The following FILIP1 variants were observed in gnomAD, a reference collection of about 807,000 sequenced individuals.
FILIP1 encodes filamin-A-interacting protein 1.
A neutral mutation model predicts 102.1 loss-of-function variants in FILIP1; 61 were observed. The ratio of observed to expected loss-of-function variants is 0.60; its 90% CI spans 0.49 to 0.74. FILIP1 has a LOEUF of 0.74. Ranked by LOEUF, FILIP1 falls within the 30% of genes least tolerant of loss-of-function variation. The pLI is 0.00. For synonymous variants in FILIP1, 491 were observed against 526.9 expected (o/e 0.93, Z 0.93); for missense variants, 1,314 against 1,441.2 (o/e 0.91, Z 1.43).
chr6:75,377,912 A>G (rs1334756567), intron 2 of FILIP1, among the ~76,000 whole-genome samples: 1 of 152,224 alleles, frequency 6.6e-6, no homozygotes, highest in Non-Finnish European at 1.5e-5. Context: ...TTGAACATGA[A>G]GAAGAAATAG....
chr6:75,340,840 C>T (rs951318847), intron 4 of FILIP1, among the ~76,000 whole-genome samples: 18 of 148,112 alleles, frequency 1.2e-4, no homozygotes, highest in Non-Finnish European at 2.1e-4. Flanking sequence ...GGATTATAGG[C>T]GCACACCACA....
At chr6:75,327,972 T>C (rs983100518) in intron 4 of FILIP1, among the ~76,000 whole-genome samples, 63 of 152,216 alleles carry the variant, frequency 4.1e-4, no homozygotes, top group African/African-American at 1.4e-3. Flanking sequence ...AAAGGAAAGA[T>C]AGGAGCAAGG....
exon 7 of FILIP1, chr6:75,292,653 G>C (rs1772571826): frequency 6.6e-6 from 1 of 152,044 alleles, no homozygotes; most frequent in South Asian, 2.1e-4. Flanking sequence ...TTTTAGCAGA[G>C]GCATAGCACT....
chr6:75,433,903 A>G (rs1319749053), intron 1 of FILIP1, among the ~76,000 whole-genome samples: 6 of 152,228 alleles, frequency 3.9e-5, no homozygotes, highest in African/African-American at 1.4e-4. Flanking sequence ...AGCTTTCTAC[A>G]TATGGCTAGC....
Position 75,313,131 on chromosome 6 carries a change from C to CT in FILIP1, c.2700dup (p.Val901SerfsTer33). The CT allele has an allele frequency of 6.2e-7, 1 of 1,614,162 alleles. No homozygotes were observed. The highest frequency in any genetic ancestry group is 8.5e-7 in the Non-Finnish European group (1 of 1,180,014). ...GGCTGGCCCTGCTTTGGTGAAAGGACTACCTCTCCTGGGTGCCCTGGACTG... is the reference window on the plus strand; with the variant it reads ...GGCTGGCCCTGCTTTGGTGAAAGGACTTACCTCTCCTGGGTGCCCTGGACTG... On this transcript the variant is annotated frameshift_variant, in exon 5 of 6. Transcript: ENST00000237172. LOFTEE classifies it high-confidence loss of function. The surrounding 1 kb of genome is among the most constrained non-coding windows in gnomAD (Gnocchi z 4.2).
At chr6:75,421,535 T>C (rs962235665) in intron 1 of FILIP1, among the ~76,000 whole-genome samples, 15 of 152,094 alleles carry the variant, frequency 9.9e-5, no homozygotes. Flanking sequence ...TCTTGTACTA[T>C]ATCCTTGTCA....
intron 4 of FILIP1, among the ~76,000 whole-genome samples, chr6:75,344,302 G>T (rs1774509279): frequency 6.6e-6 from 1 of 152,110 alleles, no homozygotes; most frequent in Non-Finnish European, 1.5e-5. Context: ...ATCCACCTCA[G>T]TCTCTCTAAT....
chr6:75,371,984 CT>C lies in FILIP1; in HGVS notation c.277-9068del, dbSNP rs202225301. On this transcript the variant is annotated intron_variant, in intron 2 of 5. Transcript: ENST00000237172. ...GGACTATGTTCAATTTAAAAACTTC[CT>C]TGCATCAGAGAACACAATCAACAGT... 6.8e-3 allele frequency among the ~76,000 whole-genome samples: 1,038 copies of C among 152,268 alleles called. 11 individuals carry two copies. Among genetic ancestry groups the C allele is most frequent in the African/African-American group, 0.023 (958 of 41,556 alleles).
At chr6:75,485,968 A>AACACAC (rs529165652) in intron 1 of FILIP1, among the ~76,000 whole-genome samples, 222 of 145,304 alleles carry the variant, frequency 1.5e-3, no homozygotes, top group African/African-American at 4.3e-3. Flanking sequence ...TTCTGACCAA[A>AACACAC]ACACACACAC....
In FILIP1 at chr6:75,378,154, ATT is replaced by A. The variant is rs764051532; in HGVS notation, c.277-15239_277-15238del. The stretch of plus-strand genomic sequence containing the variant: ...TTATAAAAACTGTTACTTAATTAAC[ATT>A]GAACTCATGATCAATGACACTATGT... On this transcript the variant is annotated intron_variant, in intron 2 of 5. Coordinates refer to ENST00000237172, the MANE Select transcript of FILIP1 (RefSeq NM_015687.5). Among the ~76,000 whole-genome samples the A allele has an allele frequency of 1.9e-3, 292 of 152,308 alleles. 2 individuals are homozygous for A. The highest frequency in any genetic ancestry group is 2.2e-3 in the Non-Finnish European group (150 of 68,042).
chr6:75,480,209 T>C (rs905818607), intron 1 of FILIP1, among the ~76,000 whole-genome samples: 4 of 151,284 alleles, frequency 2.6e-5, no homozygotes, highest in African/African-American at 9.7e-5. Flanking sequence ...TTCAACCCTA[T>C]TGATTGAATA....
intron 1 of FILIP1, among the ~76,000 whole-genome samples, chr6:75,422,524 G>C (rs943569232): frequency 2.6e-5 from 4 of 152,094 alleles, no homozygotes; most frequent in African/African-American, 9.7e-5. Context: ...ATCAGGCTCA[G>C]AACTGAATAA....
intron 1 of FILIP1, among the ~76,000 whole-genome samples, chr6:75,470,540 C>A (rs922286978): frequency 2.0e-5 from 3 of 152,034 alleles, no homozygotes; most frequent in African/African-American, 4.8e-5. Context: ...TAGAACCAAC[C>A]AATATGTTTA....
downstream of FILIP1, among the ~76,000 whole-genome samples, chr6:75,306,276 C>T (rs143921272): frequency 3.9e-5 from 6 of 152,266 alleles, no homozygotes; most frequent in East Asian, 1.9e-4. Context: ...ATCCTGTACA[C>T]GCACTGTTAA....
At chr6:75,338,406 AT>A (rs1260982820) in intron 4 of FILIP1, among the ~76,000 whole-genome samples, 5 of 152,236 alleles carry the variant, frequency 3.3e-5, no homozygotes. Context: ...AAACACAAGC[AT>A]TCTTGGAAAA....
chr6:75,379,830 T>A (rs1775851995), intron 2 of FILIP1, among the ~76,000 whole-genome samples: 1 of 152,246 alleles, frequency 6.6e-6, no homozygotes, highest in Admixed American at 6.5e-5. Context: ...TGATCTCCTA[T>A]TTAAAACTAC....
chr6:75,408,540 C>G (rs142167492), intron 2 of FILIP1, among the ~76,000 whole-genome samples: 183 of 152,316 alleles, frequency 1.2e-3, no homozygotes, highest in African/African-American at 4.2e-3. Context: ...TTCCATAGAT[C>G]ACTTAACAGT....
intron 2 of FILIP1, among the ~76,000 whole-genome samples, chr6:75,411,293 G>A (rs1309047412): frequency 6.6e-6 from 1 of 152,114 alleles, no homozygotes; most frequent in African/African-American, 2.4e-5. Context: ...ACTTGTTTAA[G>A]TTCCTTGTAG....
Position 75,312,434 on chromosome 6 carries a change from G to A in FILIP1, c.3398C>T (p.Pro1133Leu), listed in dbSNP as rs763126633. The A allele has an allele frequency of 1.5e-5, 24 of 1,613,954 alleles. No individual in the cohort carries two copies. Among genetic ancestry groups the A allele is most frequent in the Non-Finnish European group, 1.9e-5 (22 of 1,180,018 alleles). ...TCCTCGAGCAGATGACGTTGTGACC[G>A]GTGTTATGGTGATAGTGCTCGTCAC... ...SKVTSTITIT[P>L]VTTSSARGTQ... The change falls in exon 5 of 6, where the codon CCG (proline) becomes CTG (leucine). Residue 1133 changes from proline to leucine, a missense_variant. Around this residue, in one of 3 missense-constraint regions of FILIP1, gnomAD observed 816 missense variants for 913.1 expected, o/e 0.89. Coordinates refer to ENST00000237172, the MANE Select transcript of FILIP1 (RefSeq NM_015687.5).
Sources: allele counts gnomAD v4.1 joint callset (sites outside exome capture counted in the v4.1 genomes callset), GRCh38; gene constraint gnomAD v4.1.1; regional missense constraint gnomAD v4.1.1; non-coding constraint Gnocchi (gnomAD v3.1); transcripts MANE v1.5; gene names NCBI Gene and HGNC (gene_info 2026-07-23, HGNC 2026-07-21).